The following PLS1 variants were observed in gnomAD, a reference collection of about 807,000 sequenced individuals.
PLS1 encodes the protein plastin 1, also known as plastin-1.
Under a neutral mutation model 73.7 loss-of-function variants are expected in PLS1, and 32 were observed. That is an observed-to-expected ratio of 0.43 (90% CI 0.33 to 0.58). The LOEUF (loss-of-function observed/expected upper bound fraction) is 0.58, where lower values mean the gene tolerates loss of function less well. PLS1 is among the 20% of genes least tolerant of loss of function. PLS1 has a pLI of 0.04. For synonymous variants in PLS1, 217 were observed against 261.3 expected, an observed-to-expected ratio of 0.83 and a Z score of 1.63; for missense variants, 633 against 740.5, an observed-to-expected ratio of 0.85 and a Z score of 1.68.
rs1307551321 is a variant in PLS1, at chr3:142,689,610, T to C, written c.982-8T>C. ...TTCAATTGTAACCATTTTTGTTTTA[T>C]TGTTTAGGAGACAAATGACCTGAAG... On this transcript the variant is annotated splice_polypyrimidine_tract_variant and splice_region_variant and intron_variant, in intron 9 of 15. Coordinates refer to ENST00000457734, the MANE Select transcript of PLS1 (RefSeq NM_001145319.2). The C allele has an allele frequency of 6.7e-7, 1 of 1,495,616 alleles. No homozygotes were observed. Among genetic ancestry groups the C allele is most frequent in the Non-Finnish European group, 8.9e-7 (1 of 1,121,124 alleles). 92.6% of individuals were successfully genotyped at this position (1,495,616 alleles called of 1,614,324 possible). A position where few individuals can be genotyped will look rare whatever the true frequency, so the allele number is the denominator to read the frequency against.
At chr3:142,664,791 C>T (rs901163972) in intron 2 of PLS1, among the ~76,000 whole-genome samples, 3 of 152,050 alleles carry the variant, frequency 2.0e-5, no homozygotes, top group African/African-American at 4.8e-5. Flanking sequence ...TTTTAAAGGC[C>T]GTATGCCTTA....
intron 8 of PLS1, 65 bp downstream of exon 8, chr3:142,684,460 G>A (rs1560068003): frequency 7.6e-7 from 1 of 1,308,876 alleles, no homozygotes; most frequent in East Asian, 2.4e-5. Flanking sequence ...AATAAAAGGG[G>A]TTCAGACTTA....
At chr3:142,622,763 A>G (rs748350883) in intron 1 of PLS1, among the ~76,000 whole-genome samples, 5 of 152,202 alleles carry the variant, frequency 3.3e-5, no homozygotes, top group Non-Finnish European at 5.9e-5. Context: ...GTATAATACT[A>G]TAACATGTTT....
At chr3:142,633,678 CAA>C (rs2036615130) in intron 1 of PLS1, among the ~76,000 whole-genome samples, 1 of 151,750 alleles carries the variant, frequency 6.6e-6, no homozygotes, top group African/African-American at 2.4e-5. Context: ...CAAAACAAAA[CAA>C]AACAAAAAAC....
At chr3:142,706,306 G>C (rs73002086) in intron 14 of PLS1, among the ~76,000 whole-genome samples, 1 of 152,102 alleles carries the variant, frequency 6.6e-6, no homozygotes, top group Non-Finnish European at 1.5e-5. Flanking sequence ...TAATATTATG[G>C]ATGAAAAGTC....
intron 1 of PLS1, among the ~76,000 whole-genome samples, chr3:142,631,115 G>T (rs572945116): frequency 6.6e-6 from 1 of 152,002 alleles, no homozygotes; most frequent in Non-Finnish European, 1.5e-5. Context: ...GGTGGCTCAT[G>T]TCTGTAATCC....
intron 1 of PLS1, among the ~76,000 whole-genome samples, chr3:142,608,278 T>C (rs1269178983): frequency 6.6e-6 from 1 of 152,262 alleles, no homozygotes; most frequent in East Asian, 1.9e-4. Context: ...TAGTGGAGTT[T>C]ATCTTCATGA....
intron 1 of PLS1, among the ~76,000 whole-genome samples, chr3:142,628,367 TGTGTGCGCGC>T (rs1393346566): frequency 3.3e-5 from 1 of 30,628 alleles, no homozygotes; most frequent in Middle Eastern, 0.012. Context: ...GCAGTGTGCA[TGTGTGCGCGC>T]ACATGTGCAT....
intron 5 of PLS1, among the ~76,000 whole-genome samples, chr3:142,676,634 A>G (rs905772951): frequency 5.3e-5 from 8 of 152,220 alleles, no homozygotes; most frequent in African/African-American, 1.9e-4. Context: ...GGAATGGGAC[A>G]TGAGGAAATG....
intron 1 of PLS1, among the ~76,000 whole-genome samples, chr3:142,612,756 G>A (rs1303668892): frequency 6.6e-6 from 1 of 151,848 alleles, no homozygotes; most frequent in African/African-American, 2.4e-5. Flanking sequence ...ATTTAACTTT[G>A]AGCCTGTTTT....
At position 142,664,272 on chromosome 3, in the gene PLS1, AGC is replaced by A; in HGVS notation, c.36_37del (p.Glu12AspfsTer2). ...AGTACTACTACCATTTCTCGGGAGG[AGC>A]TTGAAGAACTACAAGAGGCATTTAA... On this transcript the variant is annotated frameshift_variant, in exon 2 of 16. Coordinates refer to ENST00000457734, the MANE Select transcript of PLS1 (RefSeq NM_001145319.2). LOFTEE classifies it high-confidence loss of function. 6.3e-7 allele frequency: 1 copy of A among 1,593,878 alleles called. No homozygotes were observed. Among genetic ancestry groups the A allele is most frequent in the Non-Finnish European group, 8.6e-7 (1 of 1,163,966 alleles).
At chr3:142,621,493 A>G (rs903836719) in intron 1 of PLS1, among the ~76,000 whole-genome samples, 8 of 152,224 alleles carry the variant, frequency 5.3e-5, no homozygotes, top group African/African-American at 1.9e-4. Flanking sequence ...TACATGGACT[A>G]TTATGAAGCA....
At chr3:142,602,291 G>A (rs2035941262) in intron 1 of PLS1, among the ~76,000 whole-genome samples, 1 of 152,074 alleles carries the variant, frequency 6.6e-6, no homozygotes, top group African/African-American at 2.4e-5. Context: ...CGTGTCTGTG[G>A]AGTTGGCAAT....
At chr3:142,681,401 G>A (rs2037853947) in intron 6 of PLS1, among the ~76,000 whole-genome samples, 1 of 152,098 alleles carries the variant, frequency 6.6e-6, no homozygotes, top group African/African-American at 2.4e-5. Context: ...ACTGGAAATA[G>A]GCTTCTTCAA....
chr3:142,670,966 C>T, intron 3 of PLS1, 27 bp from the exon 4 acceptor site: 1 of 1,502,820 alleles, frequency 6.7e-7, no homozygotes, highest in South Asian at 1.2e-5. Context: ...TTATCTGATT[C>T]TCAATTTTAC....
At chr3:142,686,081 T>C (rs2037958829) in intron 8 of PLS1, among the ~76,000 whole-genome samples, 2 of 152,190 alleles carry the variant, frequency 1.3e-5, no homozygotes, top group Admixed American at 1.3e-4. Context: ...CTATAAACTC[T>C]GAGGTGTGAA....
intron 2 of PLS1, 67 bp from the exon 3 acceptor site, chr3:142,669,322 CA>C (rs1433796757): frequency 8.2e-5 from 74 of 899,674 alleles, no homozygotes; most frequent in Non-Finnish European, 1.1e-4. Context: ...TGAATCCTCC[CA>C]AAAGGCATCC....
chr3:142,640,302 G>C (rs919446434), intron 1 of PLS1, among the ~76,000 whole-genome samples: 1 of 152,074 alleles, frequency 6.6e-6, no homozygotes, highest in African/African-American at 2.4e-5. Flanking sequence ...TTCTGTACTT[G>C]GGTTCATACA....
chr3:142,684,459 G>A, intron 8 of PLS1, 64 bp downstream of exon 8: 1 of 1,304,648 alleles, frequency 7.7e-7, no homozygotes, highest in Non-Finnish European at 1.1e-6. Flanking sequence ...AAATAAAAGG[G>A]GTTCAGACTT....
Sources: allele counts gnomAD v4.1 joint callset (sites outside exome capture counted in the v4.1 genomes callset), GRCh38; gene constraint gnomAD v4.1.1; transcripts MANE v1.5; gene names NCBI Gene and HGNC (gene_info 2026-07-23, HGNC 2026-07-21).